The following ORC5 variants were observed in gnomAD, a reference collection of about 807,000 sequenced individuals.
The protein encoded by ORC5 is origin recognition complex subunit 5.
ORC5 carries 39 observed loss-of-function variants against 58.8 expected under a neutral mutation model. The ratio of observed to expected loss-of-function variants is 0.66; its 90% CI spans 0.51 to 0.87. ORC5 has a LOEUF of 0.87. Among genes scored for constraint, ORC5 ranks in the 40% least tolerant of loss-of-function variants. The probability of loss-of-function intolerance (pLI) is 0.00; values close to 1 mark genes in which losing one functional copy is unlikely to be tolerated. For synonymous variants in ORC5, 218 were observed against 177.6 expected (o/e 1.23, Z -1.81); for missense variants, 493 against 506.3 (o/e 0.97, Z 0.25).
At chr7:104,195,295 A>T in intron 4 of ORC5, 41 bp from the exon 5 acceptor site, 2 of 1,157,188 alleles carry the variant, frequency 1.7e-6, no homozygotes, top group Non-Finnish European at 2.4e-6. Context: ...GCATTTAAAA[A>T]TCTTAATCGG....
intron 6 of ORC5, among the ~76,000 whole-genome samples, chr7:104,185,208 G>A (rs954285187): frequency 1.3e-5 from 2 of 151,846 alleles, no homozygotes; most frequent in South Asian, 2.1e-4. Context: ...AAACCTGCAC[G>A]CCCCTGCACA....
intron 11 of ORC5, among the ~76,000 whole-genome samples, chr7:104,161,419 G>A (rs1040639021): frequency 6.6e-6 from 1 of 152,186 alleles, no homozygotes; most frequent in Non-Finnish European, 1.5e-5. Context: ...CTGGAATGCA[G>A]TGGCAGCGCA....
Position 104,147,866 on chromosome 7 carries a change from A to G in ORC5, c.1150-10973T>C, listed in dbSNP as rs1413106907. On this transcript the variant is annotated intron_variant, in intron 12 of 13. Coordinates refer to ENST00000297431, the MANE Select transcript of ORC5 (RefSeq NM_002553.4). ...TGCCAAGACTACTGCTACTGTGAAT[A>G]AAGAACACCAGTATGAGCCTATGTG... 6.6e-5 allele frequency among the ~76,000 whole-genome samples: 10 copies of G among 152,326 alleles called. No homozygotes were observed. In the East Asian group the frequency reaches 1.5e-3, roughly 23 times the overall value.
rs538368596 is a variant in ORC5, at chr7:104,166,625, T to C, written c.990+147A>G. 37 of 537,508 alleles carry C rather than the reference T, an allele frequency of 6.9e-5. No homozygotes were observed. In the South Asian group the frequency reaches 7.6e-4, roughly 11 times the overall value. The allele number at this position is 537,508 out of a possible 1,614,324, so 33.3% of individuals were successfully genotyped here. A position where few individuals can be genotyped will look rare whatever the true frequency, so the allele number is the denominator to read the frequency against. On this transcript the variant is annotated intron_variant, in intron 10 of 13. Transcript: ENST00000297431. ...CTCAAATTTGAGGTTGTGACATTAA[T>C]GTAAAGCCTTTAAAGAATGAGTCCT...
chr7:104,160,587 T>C (rs1799005238), intron 12 of ORC5, among the ~76,000 whole-genome samples: 1 of 152,182 alleles, frequency 6.6e-6, no homozygotes, highest in Non-Finnish European at 1.5e-5. Flanking sequence ...TCTATTTTTA[T>C]GCTTTGCTGC....
At chr7:104,197,644 TCAAATAGCAAAATGAAAAACTTTTACAA>T (rs1414161317) in intron 4 of ORC5, 53 bp downstream of exon 4, 2 of 834,966 alleles carry the variant, frequency 2.4e-6, no homozygotes, top group African/African-American at 3.5e-5. Context: ...TTCTCACCTA[TCAAATAGCAAAATGAAAAACTTTTACAA>T]CACAATCCAT....
rs895662889 is a variant in ORC5 at position 104,136,149 on chromosome 7, G to A, written c.1262+632C>T. 3.9e-5 allele frequency among the ~76,000 whole-genome samples: 6 copies of A among 152,088 alleles called. No individual in the cohort carries two copies. The highest frequency in any genetic ancestry group is 2.1e-4 in the South Asian group (1 of 4,808). Reference sequence around the variant, plus strand: ...AGAATTAGCTTCATTCATTTTGCACGACAGCCCCTGAAACACTTAAGACAG... The same window carrying A: ...AGAATTAGCTTCATTCATTTTGCACAACAGCCCCTGAAACACTTAAGACAG... On this transcript the variant is annotated intron_variant, in intron 13 of 13. Transcript: ENST00000297431. The surrounding 1 kb of genome is among the most constrained non-coding windows in gnomAD (Gnocchi z 4.2).
chr7:104,184,703 G>A (rs912507096), intron 6 of ORC5, among the ~76,000 whole-genome samples: 14 of 152,062 alleles, frequency 9.2e-5, no homozygotes, highest in African/African-American at 2.9e-4. Context: ...TATTTTGTGA[G>A]GGAGATTTGC....
intron 12 of ORC5, among the ~76,000 whole-genome samples, chr7:104,156,457 ATTGGAAT>A (rs971301810): frequency 1.7e-4 from 26 of 151,862 alleles, no homozygotes; most frequent in Non-Finnish European, 2.1e-4. Flanking sequence ...ATTATTCTCA[ATTGGAAT>A]TTTAATAAAC....
intron 13 of ORC5, among the ~76,000 whole-genome samples, chr7:104,134,258 G>C (rs1383815754): frequency 1.3e-5 from 2 of 151,322 alleles, no homozygotes; most frequent in Non-Finnish European, 3.0e-5. Context: ...CTCTGTCTCT[G>C]CTAAAAATTA....
chr7:104,140,517 T>C (rs901448478), intron 12 of ORC5, among the ~76,000 whole-genome samples: 1 of 152,206 alleles, frequency 6.6e-6, no homozygotes, highest in African/African-American at 2.4e-5. Flanking sequence ...TTCCAGTTTT[T>C]TGTTTTGTTT....
At chr7:104,152,813 A>G (rs1798867145) in intron 12 of ORC5, among the ~76,000 whole-genome samples, 1 of 152,240 alleles carries the variant, frequency 6.6e-6, no homozygotes, top group African/African-American at 2.4e-5. Flanking sequence ...TTGCCCACAA[A>G]AATAAAGTAC....
intron 12 of ORC5, among the ~76,000 whole-genome samples, chr7:104,141,670 TAC>T (rs1202574153): frequency 6.6e-6 from 1 of 152,186 alleles, no homozygotes; most frequent in Non-Finnish European, 1.5e-5. Flanking sequence ...AACATGTCTA[TAC>T]ACTTACAATG....
intron 8 of ORC5, among the ~76,000 whole-genome samples, chr7:104,180,359 G>T (rs983481692): frequency 3.9e-5 from 6 of 152,042 alleles, no homozygotes; most frequent in Admixed American, 3.3e-4. Flanking sequence ...TTTCTTACTA[G>T]TTTTTTATTT....
At chr7:104,161,320 C>T (rs1321504061) in intron 11 of ORC5, 138 bp from the exon 12 acceptor site, 1 of 560,044 alleles carries the variant, frequency 1.8e-6, no homozygotes. Context: ...AACCTGCAAA[C>T]TCTAAGTTAA....
intron 12 of ORC5, among the ~76,000 whole-genome samples, chr7:104,143,322 A>T (rs1456688124): frequency 6.6e-6 from 1 of 152,218 alleles, no homozygotes; most frequent in Non-Finnish European, 1.5e-5. Context: ...ATTTTTTCAT[A>T]GAAAAACACA....
Position 104,162,430 on chromosome 7 carries a change from A to G in ORC5, c.1039-1248T>C, listed in dbSNP as rs140138574. On this transcript the variant is annotated intron_variant, in intron 11 of 13. Coordinates refer to ENST00000297431, the MANE Select transcript of ORC5 (RefSeq NM_002553.4). Reference sequence around the variant, plus strand: ...GCCCACCTTGGCCTCCCAAAGTGCTAGAATTACAGGCGTGAGCCAGTGCAC... The same window carrying G: ...GCCCACCTTGGCCTCCCAAAGTGCTGGAATTACAGGCGTGAGCCAGTGCAC... Among the ~76,000 whole-genome samples, 809 of 152,308 alleles carry G rather than the reference A, an allele frequency of 5.3e-3. 9 individuals are homozygous for G. Among genetic ancestry groups the G allele is most frequent in the African/African-American group, 0.018 (755 of 41,568 alleles).
intron 5 of ORC5, among the ~76,000 whole-genome samples, chr7:104,193,133 A>G (rs1347658782): frequency 6.6e-6 from 1 of 152,088 alleles, no homozygotes; most frequent in African/African-American, 2.4e-5. Context: ...AGAACTCAAC[A>G]AATCCCCAGC....
intron 12 of ORC5, among the ~76,000 whole-genome samples, chr7:104,139,137 A>C (rs1333646179): frequency 6.6e-6 from 1 of 152,228 alleles, no homozygotes; most frequent in Non-Finnish European, 1.5e-5. Flanking sequence ...TAAGAGTTTT[A>C]AGTTAAACTA....
Sources: allele counts gnomAD v4.1 joint callset (sites outside exome capture counted in the v4.1 genomes callset), GRCh38; gene constraint gnomAD v4.1.1; non-coding constraint Gnocchi (gnomAD v3.1); transcripts MANE v1.5; gene names NCBI Gene and HGNC (gene_info 2026-07-23, HGNC 2026-07-21).